Variants in PSMD5 observed in about 807,000 individuals in gnomAD.
PSMD5 encodes the protein proteasome 26S subunit, non-ATPase 5.
A neutral mutation model predicts 52.1 loss-of-function variants in PSMD5; 40 were observed. The observed-to-expected ratio is 0.77, with a 90% CI of 0.60 to 1.00. PSMD5 has a LOEUF of 1.00. PSMD5 is among the 50% of genes least tolerant of loss of function. The pLI is 0.00. For missense variants in PSMD5, 575 were observed against 605.2 expected, an observed-to-expected ratio of 0.95 and a Z score of 0.52; for synonymous variants, 211 against 226.6, an observed-to-expected ratio of 0.93 and a Z score of 0.62.
At chr9:120,836,881 G>A (rs934437742) in intron 1 of PSMD5, among the ~76,000 whole-genome samples, 4 of 148,840 alleles carry the variant, frequency 2.7e-5, no homozygotes, top group African/African-American at 5.0e-5. Flanking sequence ...TGTAACCTTC[G>A]AAGAACCGAT....
chr9:120,828,170 G>C (rs2045135780), intron 5 of PSMD5, among the ~76,000 whole-genome samples: 1 of 151,946 alleles, frequency 6.6e-6, no homozygotes, highest in African/African-American at 2.4e-5. Flanking sequence ...CTAATTTTTT[G>C]TATTTTTTTA....
intron 1 of PSMD5, among the ~76,000 whole-genome samples, chr9:120,838,728 T>G (rs1217982169): frequency 6.6e-6 from 1 of 152,228 alleles, no homozygotes; most frequent in African/African-American, 2.4e-5. Context: ...CTCACTTCAG[T>G]TCCTACTGCA....
At chr9:120,833,527 T>C in intron 1 of PSMD5, 71 bp from the exon 2 acceptor site, 2 of 1,487,962 alleles carry the variant, frequency 1.3e-6, no homozygotes, top group Non-Finnish European at 1.8e-6. Context: ...TAATAATAGC[T>C]GAAGCTTGCG....
chr9:120,821,311 C>T (rs1322467476), intron 8 of PSMD5, 44 bp downstream of exon 8: 1 of 1,277,674 alleles, frequency 7.8e-7, no homozygotes, highest in East Asian at 2.3e-5. Context: ...ATTTATTCTC[C>T]CAAACATATC....
chr9:120,840,548 T>C (rs543283966), intron 1 of PSMD5, among the ~76,000 whole-genome samples: 1 of 150,990 alleles, frequency 6.6e-6, no homozygotes. Flanking sequence ...CAGGTTCAAG[T>C]GATTGTCCTG....
At chr9:120,840,126 C>CAAA (rs748840129) in intron 1 of PSMD5, among the ~76,000 whole-genome samples, 8 of 39,106 alleles carry the variant, frequency 2.0e-4, no homozygotes, top group African/African-American at 2.9e-4. Context: ...GAACCCGTCT[C>CAAA]AAAAAAAAAA....
intron 7 of PSMD5, 95 bp from the exon 8 acceptor site, chr9:120,821,559 G>T: frequency 1.3e-6 from 1 of 794,346 alleles, no homozygotes; most frequent in South Asian, 2.7e-5. Context: ...ATAGTTCAGT[G>T]CTATTAAGTA....
chr9:120,832,945 G>T (rs970928057), intron 2 of PSMD5, among the ~76,000 whole-genome samples: 1 of 152,182 alleles, frequency 6.6e-6, no homozygotes, highest in Non-Finnish European at 1.5e-5. Context: ...GAACACATAG[G>T]AATCTTTTTC....
intron 1 of PSMD5, chr9:120,841,904 C>G (rs1588074635): frequency 6.6e-6 from 1 of 152,168 alleles, no homozygotes; most frequent in Non-Finnish European, 1.5e-5. Flanking sequence ...TGACCATAAA[C>G]CAGGGGCCTT....
intron 7 of PSMD5, among the ~76,000 whole-genome samples, chr9:120,823,510 C>CTTTTTTTTTTTT (rs1263218977): frequency 4.0e-4 from 43 of 108,658 alleles, no homozygotes; most frequent in African/African-American, 1.5e-3. Flanking sequence ...TACCTGGCCT[C>CTTTTTTTTTTTT]TTTTTTTTTT....
chr9:120,824,805 T>A, intron 6 of PSMD5, 120 bp from the exon 7 acceptor site: 1 of 815,324 alleles, frequency 1.2e-6, no homozygotes, highest in Non-Finnish European at 1.9e-6. Flanking sequence ...AAGGTTAGAG[T>A]AGTGTGTTGC....
intron 6 of PSMD5, among the ~76,000 whole-genome samples, chr9:120,825,694 G>C (rs1297480149): frequency 6.6e-6 from 1 of 152,042 alleles, no homozygotes; most frequent in African/African-American, 2.4e-5. Flanking sequence ...AAATGGGAAT[G>C]TATCTTTGAT....
intron 4 of PSMD5, among the ~76,000 whole-genome samples, chr9:120,829,953 T>A (rs1320520983): frequency 6.6e-6 from 1 of 152,206 alleles, no homozygotes; most frequent in Non-Finnish European, 1.5e-5. Context: ...AGATTTGGAC[T>A]TTTAAAAGAC....
In PSMD5 at chr9:120,818,079, G is replaced by A; in HGVS notation, c.1342C>T (p.His448Tyr). 1.2e-6 allele frequency: 2 copies of A among 1,614,164 alleles called. No homozygotes were observed. Among genetic ancestry groups the A allele is most frequent in the South Asian group, 2.2e-5 (2 of 91,084 alleles). Residue 448 changes from histidine to tyrosine, a missense_variant, in exon 10 of 10, where the codon CAT (histidine) becomes TAT (tyrosine). Transcript: ENST00000210313. ...VEYVVDRSVE[H>Y]DKASKDAKYE... ...TTGGCATCCTTTGAAGCTTTGTCAT[G>A]CTCCACAGACCGGTCCACCACATAT...
Position 120,842,485 on chromosome 9 carries a change from A to G in PSMD5, c.173+252T>C, listed in dbSNP as rs113793562. 2,020 of 551,274 alleles carry G rather than the reference A, an allele frequency of 3.7e-3. 41 individuals are homozygous for G. The highest frequency in any genetic ancestry group is 0.035 in the African/African-American group (1,811 of 51,786). 34.1% of individuals were successfully genotyped at this position (551,274 alleles called of 1,614,324 possible). On this transcript the variant is annotated intron_variant, in intron 1 of 9. Transcript: ENST00000210313. ...TTCCTCCTTTAATTTCTATTTGATG[A>G]AGAAGGCAGTGCCTCACTGCTCAGA...
At chr9:120,818,767 A>G (rs560016046) in intron 9 of PSMD5, among the ~76,000 whole-genome samples, 24 of 152,158 alleles carry the variant, frequency 1.6e-4, no homozygotes, top group Admixed American at 5.2e-4. Flanking sequence ...AAAAAAAAAA[A>G]AAGCAAAAAC....
intron 1 of PSMD5, among the ~76,000 whole-genome samples, chr9:120,834,231 C>T (rs544109252): frequency 1.2e-4 from 19 of 152,224 alleles, no homozygotes; most frequent in African/African-American, 4.3e-4. Flanking sequence ...TCTCCCACCT[C>T]AGCCTCCCAA....
At chr9:120,832,068 T>A in intron 2 of PSMD5, 123 bp from the exon 3 acceptor site, 1 of 1,417,616 alleles carries the variant, frequency 7.1e-7, no homozygotes, top group Non-Finnish European at 9.3e-7. Context: ...ATATATCAAT[T>A]CATTAAAAAA....
At chr9:120,834,178 C>T (rs989918386) in intron 1 of PSMD5, among the ~76,000 whole-genome samples, 5 of 151,916 alleles carry the variant, frequency 3.3e-5, no homozygotes, top group Non-Finnish European at 7.4e-5. Context: ...ACGGGGGTTT[C>T]ACTGTGTTAG....
Sources: gnomAD v4.1 joint callset for allele counts (sites outside exome capture counted in the v4.1 genomes callset) on GRCh38, gnomAD v4.1.1 for gene constraint, MANE v1.5 for transcripts, NCBI Gene and HGNC (gene_info 2026-07-23, HGNC 2026-07-21) for gene names.